DYM: variants seen among roughly 807,000 people sequenced by gnomAD.
DYM encodes the protein dyggve-Melchior-Clausen syndrome protein.
DYM carries 78 observed loss-of-function variants against 93.1 expected under a neutral mutation model. The ratio of observed to expected loss-of-function variants is 0.84; its 90% CI spans 0.70 to 1.01. The LOEUF (loss-of-function observed/expected upper bound fraction) is 1.01, where lower values mean the gene tolerates loss of function less well. DYM is among the 50% of genes least tolerant of loss of function. The pLI is 0.00. For missense variants in DYM, 789 were observed against 845.0 expected (o/e 0.93, Z 0.82); for synonymous variants, 321 against 319.7 (o/e 1.00, Z -0.04).
At chr18:49,425,631 T>C (rs1350030672) in intron 2 of DYM, among the ~76,000 whole-genome samples, 3 of 152,138 alleles carry the variant, frequency 2.0e-5, no homozygotes, top group Non-Finnish European at 4.4e-5. Flanking sequence ...GAGAAAATTT[T>C]TGCAATCTAC....
rs2070829433 is a variant in DYM at position 49,039,590 on chromosome 18, G to C, written c.*4465C>G. ...AAGTCTCTTACCCTCTATTCTCCAT[G>C]TTCTGTTTTTTTTACTATATAATTC... On this transcript the variant is annotated 3_prime_UTR_variant, in exon 18 of 18. Coordinates refer to ENST00000675505, the MANE Select transcript of DYM (RefSeq NM_001353214.3). Among the ~76,000 whole-genome samples, 1 of 151,754 alleles carries C rather than the reference G, an allele frequency of 6.6e-6. No individual in the cohort carries two copies. Among genetic ancestry groups the C allele is most frequent in the African/African-American group, 2.4e-5 (1 of 41,296 alleles).
chr18:49,309,033 A>G (rs2061433384), intron 8 of DYM, among the ~76,000 whole-genome samples: 2 of 150,388 alleles, frequency 1.3e-5, no homozygotes, highest in African/African-American at 2.4e-5. Flanking sequence ...CATAAACAAG[A>G]TAGGATTTTA....
chr18:49,331,775 T>C, intron 8 of DYM, 89 bp downstream of exon 8: 1 of 1,389,514 alleles, frequency 7.2e-7, no homozygotes, highest in South Asian at 1.2e-5. Flanking sequence ...TAACTATTAA[T>C]GGTGGCAGCC....
intron 15 of DYM, among the ~76,000 whole-genome samples, chr18:49,152,094 T>C (rs958202614): frequency 6.6e-6 from 1 of 152,186 alleles, no homozygotes; most frequent in African/African-American, 2.4e-5. Context: ...AGTTAATTAA[T>C]CATTGCCAGA....
chr18:49,144,743 AG>A (rs2084898117), intron 15 of DYM, among the ~76,000 whole-genome samples: 1 of 152,116 alleles, frequency 6.6e-6, no homozygotes, highest in Admixed American at 6.6e-5. Context: ...TCAAGATCAA[AG>A]GGTTCTTAGT....
intron 14 of DYM, among the ~76,000 whole-genome samples, chr18:49,196,236 T>C (rs535603618): frequency 1.3e-5 from 2 of 152,286 alleles, no homozygotes; most frequent in African/African-American, 4.8e-5. Flanking sequence ...CGGCCTTGAA[T>C]GCTACTTTTA....
At chr18:49,215,849 T>G (rs527468332) in intron 13 of DYM, among the ~76,000 whole-genome samples, 2 of 152,204 alleles carry the variant, frequency 1.3e-5, no homozygotes, top group South Asian at 4.1e-4. Context: ...TTTCTGCATT[T>G]CCATCTGAGG....
At chr18:49,141,888 C>T (rs1012250019) in intron 15 of DYM, among the ~76,000 whole-genome samples, 2 of 152,088 alleles carry the variant, frequency 1.3e-5, no homozygotes, top group African/African-American at 4.8e-5. Flanking sequence ...GAGTCTCACT[C>T]TGTCACTCAG....
At chr18:49,244,166 C>T (rs1487041536) in intron 13 of DYM, among the ~76,000 whole-genome samples, 3 of 152,186 alleles carry the variant, frequency 2.0e-5, no homozygotes, top group Non-Finnish European at 4.4e-5. Flanking sequence ...CTCTCCTACT[C>T]ATTTAGAGGG....
chr18:49,332,727 G>A (rs76329685), intron 7 of DYM, among the ~76,000 whole-genome samples: 1 of 152,044 alleles, frequency 6.6e-6, no homozygotes, highest in South Asian at 2.1e-4. Flanking sequence ...GTTTAAATAT[G>A]TGGCACCATA....
intron 11 of DYM, among the ~76,000 whole-genome samples, chr18:49,268,238 G>A (rs2094604845): frequency 6.6e-6 from 1 of 152,078 alleles, no homozygotes; most frequent in South Asian, 2.1e-4. Context: ...GAGAAACTTG[G>A]TAAAACATTT....
chr18:49,420,164 C>A (rs988356189), intron 2 of DYM, among the ~76,000 whole-genome samples: 1 of 113,180 alleles, frequency 8.8e-6, no homozygotes, highest in Non-Finnish European at 1.7e-5. Context: ...AGTTAAAATT[C>A]GTTTTTTTTT....
intron 17 of DYM, among the ~76,000 whole-genome samples, chr18:49,051,657 T>G (rs1021920520): frequency 4.6e-5 from 7 of 152,334 alleles, no homozygotes; most frequent in African/African-American, 1.7e-4. Flanking sequence ...TAGACATTTT[T>G]AAAGGCTAAG....
chr18:49,088,457 T>C (rs1353666869), intron 17 of DYM, among the ~76,000 whole-genome samples: 1 of 150,918 alleles, frequency 6.6e-6, no homozygotes, highest in Non-Finnish European at 1.5e-5. Flanking sequence ...ATATGCCTAA[T>C]GTAAATGACA....
intron 2 of DYM, among the ~76,000 whole-genome samples, chr18:49,426,755 A>ATG (rs59381977): frequency 6.7e-4 from 99 of 147,804 alleles, no homozygotes; most frequent in African/African-American, 1.2e-3. Flanking sequence ...ACTGGAAAAC[A>ATG]TGTGTGTGTG....
At chr18:49,460,364 C>CCG (rs1568485272) in intron 1 of DYM, 34 bp downstream of exon 1, 1 of 152,086 alleles carries the variant, frequency 6.6e-6, no homozygotes, top group Non-Finnish European at 1.5e-5. Context: ...CTTTCGGGCC[C>CCG]GGCCGCGCTG....
intron 14 of DYM, among the ~76,000 whole-genome samples, chr18:49,183,083 C>T (rs530724403): frequency 1.3e-5 from 2 of 152,120 alleles, no homozygotes; most frequent in East Asian, 1.9e-4. Context: ...GGTGATTGCA[C>T]ATTTTTTTTC....
chr18:49,386,120 C>A (rs771432315), intron 3 of DYM, among the ~76,000 whole-genome samples: 1 of 151,954 alleles, frequency 6.6e-6, no homozygotes, highest in Non-Finnish European at 1.5e-5. Flanking sequence ...CCAAAAAACT[C>A]TTTTAAAAGG....
intron 1 of DYM, among the ~76,000 whole-genome samples, chr18:49,455,322 G>A (rs2082890001): frequency 6.6e-6 from 1 of 152,086 alleles, no homozygotes; most frequent in South Asian, 2.1e-4. Context: ...AACTCCACAT[G>A]CTCAATACTG....
Sources: gnomAD v4.1 joint callset for allele counts (sites outside exome capture counted in the v4.1 genomes callset) on GRCh38, gnomAD v4.1.1 for gene constraint, MANE v1.5 for transcripts, NCBI Gene and HGNC (gene_info 2026-07-23, HGNC 2026-07-21) for gene names.